MFN2: variants seen among roughly 807,000 people sequenced by gnomAD.
MFN2 encodes the protein mitofusin-2.
In MFN2, 43 loss-of-function variants were observed where a neutral mutation model predicts 87.5. The ratio of observed to expected loss-of-function variants is 0.49; its 90% CI spans 0.38 to 0.63. The LOEUF (loss-of-function observed/expected upper bound fraction) is 0.63, where lower values mean the gene tolerates loss of function less well. MFN2 is among the 30% of genes least tolerant of loss of function. The pLI, the probability that MFN2 is intolerant of heterozygous loss-of-function variation, is 0.00. For synonymous variants in MFN2, 337 were observed against 359.9 expected, an observed-to-expected ratio of 0.94 and a Z score of 0.72; for missense variants, 743 against 972.8, an observed-to-expected ratio of 0.76 and a Z score of 3.14.
chr1:11,993,733 CAAA>C (rs34578450), intron 4 of MFN2, among the ~76,000 whole-genome samples: 15 of 123,498 alleles, frequency 1.2e-4, no homozygotes, highest in Non-Finnish European at 8.5e-5. Flanking sequence ...GACTCCATCT[CAAA>C]AAAAAAAAAA....
chr1:12,007,768 TTC>T (rs1639485571), intron 17 of MFN2, among the ~76,000 whole-genome samples: 5 of 152,272 alleles, frequency 3.3e-5, no homozygotes, highest in Admixed American at 2.6e-4. Flanking sequence ...TCCTTTTTCT[TTC>T]TTTCTTTTTT....
At chr1:11,999,160 C>T in intron 8 of MFN2, 65 bp downstream of exon 8, 1 of 1,277,992 alleles carries the variant, frequency 7.8e-7, no homozygotes, top group African/African-American at 1.5e-5. Flanking sequence ...GCCACTGGGG[C>T]CACTTCCTGC....
Position 11,992,667 on chromosome 1 carries a change from C to A in MFN2, c.288C>A (p.His96Gln), listed in dbSNP as rs779756767. Residue 96 changes from histidine to glutamine, a missense_variant, in exon 4 of 19, where the codon CAC (histidine) becomes CAA (glutamine). Physicochemically the swap from His to Gln is conservative, Grantham distance 24. This residue lies in a region of MFN2 where 141 missense variants were observed against 278.9 expected (regional missense o/e 0.51). Transcript: ENST00000235329. ...TCAGTGAGGTGCTGGCTCGGAGGCA[C>A]ATGAAAGTGGCTTTTTTTGGCCGGT... ...RGISEVLARR[H>Q]MKVAFFGRTS... 3.7e-6 allele frequency: 6 copies of A among 1,614,080 alleles called. No individual in the cohort carries two copies. The highest frequency in any genetic ancestry group is 5.1e-6 in the Non-Finnish European group (6 of 1,180,046).
rs373368672 is a variant in MFN2 at position 12,005,857 on chromosome 1, G to C, written c.1642G>C (p.Gly548Arg). ...QEDIEFHFSL[G>R]WTMLVNRFLG... is the part of the protein sequence containing the mutation. ...AGACATTGAGTTCCATTTCTCTCTC[G>C]GATGGACCATGCTGGTGAATAGGTT... is the stretch of plus-strand genomic sequence containing the variant. Residue 548 changes from glycine (G) to arginine (R), a missense_variant, in exon 15 of 19, where the codon GGA (glycine) becomes CGA (arginine). This residue lies in a region of MFN2 where 571 missense variants were observed against 670.7 expected (regional missense o/e 0.85). Coordinates refer to ENST00000235329, the MANE Select transcript of MFN2 (RefSeq NM_014874.4). The C allele has an allele frequency of 2.5e-5, 40 of 1,614,134 alleles. No homozygotes were observed. The South Asian group carries it at 4.4e-4, about 18-fold the overall frequency.
chr1:12,000,055 C>T (rs1344379060), intron 8 of MFN2, among the ~76,000 whole-genome samples: 1 of 150,896 alleles, frequency 6.6e-6, no homozygotes. Context: ...TGAGATTGTG[C>T]CACTGTACTC....
intron 5 of MFN2, 123 bp downstream of exon 5, chr1:11,996,441 C>A: frequency 8.5e-7 from 1 of 1,179,348 alleles, no homozygotes; most frequent in Non-Finnish European, 1.2e-6. Context: ...AATGGGAGAC[C>A]CTATTTTAGA....
intron 6 of MFN2, among the ~76,000 whole-genome samples, chr1:11,998,076 G>A (rs369271773): frequency 6.6e-6 from 1 of 150,756 alleles, no homozygotes; most frequent in Non-Finnish European, 1.5e-5. Flanking sequence ...TAGAGACGGG[G>A]TTTCACCATG....
chr1:12,006,858 C>T (rs1404982119), intron 16 of MFN2, among the ~76,000 whole-genome samples, 165 bp downstream of exon 16: 2 of 152,232 alleles, frequency 1.3e-5, no homozygotes, highest in African/African-American at 4.8e-5. Context: ...CACCAAGTTT[C>T]CCTCACTTCC....
intron 8 of MFN2, among the ~76,000 whole-genome samples, chr1:12,000,507 G>T (rs1639125643): frequency 6.6e-6 from 1 of 152,340 alleles, no homozygotes; most frequent in Non-Finnish European, 1.5e-5. Context: ...ACACTAGGCA[G>T]TGTGACTTTG....
chr1:12,001,952 C>G (rs983281793), intron 10 of MFN2, 30 bp from the exon 11 acceptor site: 1 of 1,614,168 alleles, frequency 6.2e-7, no homozygotes, highest in Non-Finnish European at 8.5e-7. Flanking sequence ...TGGTGGCCCC[C>G]ACCTCCCTCC....
Position 12,001,850 on chromosome 1 carries a change from T to G in MFN2, c.1038+14T>G. 1 of 1,614,092 alleles carries G rather than the reference T, an allele frequency of 6.2e-7. No homozygotes were observed. Among genetic ancestry groups the G allele is most frequent in the South Asian group, 1.1e-5 (1 of 91,088 alleles). On this transcript the variant is annotated intron_variant, in intron 10 of 18. Transcript: ENST00000235329. ...AGGAGATTTGAGGTGAGTCCTCTGA[T>G]TCTGGTATCTGGCGATTCTGTGCCT...
chr1:11,998,268 C>T (rs1390421845), intron 6 of MFN2, among the ~76,000 whole-genome samples: 1 of 152,000 alleles, frequency 6.6e-6, no homozygotes, highest in Non-Finnish European at 1.5e-5. Context: ...CTCATTTCTG[C>T]CAGGCACGGT....
chr1:11,991,949 A>AG (rs200266476), intron 3 of MFN2, among the ~76,000 whole-genome samples: 2 of 144,844 alleles, frequency 1.4e-5, no homozygotes, highest in African/African-American at 5.3e-5. Context: ...AAAAAAAAAA[A>AG]AAAGAAGTGA....
rs755299545 is a variant in MFN2, at chr1:12,006,656, C to A, written c.1835C>A (p.Ser612Tyr). 1 of 1,614,202 alleles carries A rather than the reference C, an allele frequency of 6.2e-7. No homozygotes were observed. The highest frequency in any genetic ancestry group is 8.5e-7 in the Non-Finnish European group (1 of 1,180,032). The change falls in exon 16 of 19, where the codon TCC (serine) becomes TAC (tyrosine). Residue 612 changes from serine (S) to tyrosine (Y), a missense_variant. This residue lies in a region of MFN2 where 571 missense variants were observed against 670.7 expected (regional missense o/e 0.85). Coordinates refer to ENST00000235329, the MANE Select transcript of MFN2 (RefSeq NM_014874.4). ...SMVTGLASLT[S>Y]RTSMGILVVG... ...GTTACCGGCCTGGCCTCCTTGACAT[C>A]CAGGACCTCCATGGGCATTCTTGTT...
intron 2 of MFN2, among the ~76,000 whole-genome samples, chr1:11,983,133 C>T (rs550112812): frequency 3.3e-5 from 5 of 152,128 alleles, no homozygotes; most frequent in Non-Finnish European, 5.9e-5. Flanking sequence ...CTTGCAGTGG[C>T]GTGATCTTGG....
intron 5 of MFN2, among the ~76,000 whole-genome samples, 167 bp downstream of exon 5, chr1:11,996,485 G>C (rs1236977786): frequency 6.6e-6 from 1 of 152,188 alleles, no homozygotes; most frequent in East Asian, 1.9e-4. Flanking sequence ...GCTTTTGGGG[G>C]CTGGCGGAGG....
chr1:11,987,144 C>T (rs545829252), intron 2 of MFN2, among the ~76,000 whole-genome samples: 3 of 117,902 alleles, frequency 2.5e-5, no homozygotes, highest in South Asian at 2.8e-4. Flanking sequence ...GCCCTGTCTA[C>T]GAAAAATAAA....
At chr1:11,993,234 ATTTG>A (rs1027185416) in intron 4 of MFN2, among the ~76,000 whole-genome samples, 6 of 151,870 alleles carry the variant, frequency 4.0e-5, no homozygotes, top group Non-Finnish European at 5.9e-5. Context: ...ATCATACAGT[ATTTG>A]TTTTTTTTTC....
chr1:12,011,729 TC>T lies in MFN2; in HGVS notation c.*169del. On this transcript the variant is annotated 3_prime_UTR_variant, in exon 19 of 19. Transcript: ENST00000235329. ...TTGAGCCCTCCAGCACTACTTATTT[TC>T]CCCCACCTTTGCCTGCTGTTGCTGG... The T allele has an allele frequency of 1.4e-6, 1 of 703,434 alleles. No homozygotes were observed. The highest frequency in any genetic ancestry group is 2.4e-6 in the Non-Finnish European group (1 of 412,804). 43.6% of individuals were successfully genotyped at this position (703,434 alleles called of 1,614,324 possible). A position where few individuals can be genotyped will look rare whatever the true frequency, so the allele number is the denominator to read the frequency against.
Sources: allele counts gnomAD v4.1 joint callset (sites outside exome capture counted in the v4.1 genomes callset), GRCh38; gene constraint gnomAD v4.1.1; regional missense constraint gnomAD v4.1.1; transcripts MANE v1.5; gene names NCBI Gene and HGNC (gene_info 2026-07-23, HGNC 2026-07-21).